The following MYO16 variants were observed in gnomAD, a reference collection of about 807,000 sequenced individuals.
The protein encoded by MYO16 is myosin XVI.
Under a neutral mutation model 205.3 loss-of-function variants are expected in MYO16, and 94 were observed. That is an observed-to-expected ratio of 0.46 (90% CI 0.39 to 0.54). The LOEUF (loss-of-function observed/expected upper bound fraction) is 0.54. Among genes scored for constraint, MYO16 ranks in the 20% least tolerant of loss-of-function variants. The pLI, the probability that MYO16 is intolerant of heterozygous loss-of-function variation, is 0.00. For synonymous variants in MYO16, 988 were observed against 954.0 expected (o/e 1.04, Z -0.66); for missense variants, 2,315 against 2,387.5 (o/e 0.97, Z 0.63).
rs112509613 is a variant in MYO16, at chr13:108,923,598, C to T, written c.1925+13448C>T. Reference sequence around the variant, plus strand: ...CTGGCCAGCGCCTCACTACCCACCTCGGTGTGGGGCCCTCGCCTTCCTGCT... The same window carrying T: ...CTGGCCAGCGCCTCACTACCCACCTTGGTGTGGGGCCCTCGCCTTCCTGCT... On this transcript the variant is annotated intron_variant, in intron 16 of 34. Transcript: ENST00000457511. Among the ~76,000 whole-genome samples the T allele has an allele frequency of 4.5e-3, 690 of 152,362 alleles. 5 individuals carry two copies. Among genetic ancestry groups the T allele is most frequent in the African/African-American group, 0.016 (654 of 41,598 alleles).
At chr13:108,821,433 A>G (rs1029183633) in intron 8 of MYO16, among the ~76,000 whole-genome samples, 8 of 152,218 alleles carry the variant, frequency 5.3e-5, no homozygotes, top group African/African-American at 1.9e-4. Context: ...CTTATAGTCT[A>G]GTAATCTTAA....
intron 22 of MYO16, among the ~76,000 whole-genome samples, chr13:109,011,476 G>T (rs374631659): frequency 2.1e-4 from 29 of 135,472 alleles, no homozygotes; most frequent in South Asian, 1.5e-3. Flanking sequence ...TTTTCTTTTT[G>T]CTTTTTTTTT....
chr13:108,800,219 C>A (rs566725350), intron 6 of MYO16, among the ~76,000 whole-genome samples: 2 of 152,146 alleles, frequency 1.3e-5, no homozygotes, highest in African/African-American at 2.4e-5. Context: ...CATCTCTTGC[C>A]GTTTACTTTG....
chr13:108,904,710 A>AG (rs1880877101), intron 15 of MYO16, among the ~76,000 whole-genome samples: 1 of 152,146 alleles, frequency 6.6e-6, no homozygotes. Flanking sequence ...AGAAAAAAAA[A>AG]GTTCCTGCCC....
At position 109,120,361 on chromosome 13, in the gene MYO16, G is replaced by T. The variant is rs200797623; in HGVS notation, c.3439-9G>T. The T allele has an allele frequency of 1.3e-6, 2 of 1,590,440 alleles. No homozygotes were observed. Among genetic ancestry groups the T allele is most frequent in the African/African-American group, 2.7e-5 (2 of 74,340 alleles). ...GCTGTTAAATGTTTCCCTGCTGTTT[G>T]CATTTTAGATGGGAGTCCGAAAAGT... On this transcript the variant is annotated splice_polypyrimidine_tract_variant and intron_variant, in intron 28 of 34. Transcript: ENST00000457511.
intron 4 of MYO16, among the ~76,000 whole-genome samples, chr13:108,754,226 T>A (rs1885346827): frequency 6.6e-6 from 1 of 151,878 alleles, no homozygotes; most frequent in African/African-American, 2.4e-5. Context: ...AGCTGTAGCA[T>A]GCAGGACAAG....
intron 4 of MYO16, among the ~76,000 whole-genome samples, chr13:108,732,977 TAGAG>T (rs568812955): frequency 8.5e-5 from 13 of 152,264 alleles, no homozygotes; most frequent in Admixed American, 2.0e-4. Flanking sequence ...TTTGCTGAGA[TAGAG>T]AAAGTTAGAA....
intron 9 of MYO16, among the ~76,000 whole-genome samples, chr13:108,842,361 T>C (rs9521069): frequency 0.24 from 36,044 of 152,006 alleles, 4,985 homozygotes; most frequent in East Asian, 0.66. Flanking sequence ...TGTGCAAATA[T>C]ATATGATAAG....
At chr13:108,917,824 G>A (rs552364401) in intron 16 of MYO16, among the ~76,000 whole-genome samples, 33 of 152,300 alleles carry the variant, frequency 2.2e-4, no homozygotes, top group African/African-American at 5.1e-4. Context: ...CATTGTTTTG[G>A]CTGCTGTGTT....
At chr13:108,798,070 A>ATGC (rs10688966) in intron 6 of MYO16, among the ~76,000 whole-genome samples, 61,575 of 151,780 alleles carry the variant, frequency 0.41, 12,647 homozygotes, top group Middle Eastern at 0.5. Context: ...AAAGGCTAGG[A>ATGC]TGCTGTCCCT....
intron 1 of MYO16, among the ~76,000 whole-genome samples, chr13:108,606,982 A>C (rs1302968809): frequency 6.6e-6 from 1 of 152,170 alleles, no homozygotes; most frequent in Non-Finnish European, 1.5e-5. Flanking sequence ...TTTAAAGTTT[A>C]ATGATTACCC....
In MYO16 at chr13:109,000,095, A is replaced by G. The variant is rs866390690; in HGVS notation, c.2442+7647A>G. ...AAAGCTTAGTAAGGAGAATTAATGC[A>G]TTTGAAACCATCTATCAGATTACTT... is the stretch of plus-strand genomic sequence containing the variant. On this transcript the variant is annotated intron_variant, in intron 21 of 34. Transcript: ENST00000457511. Among the ~76,000 whole-genome samples, 39 of 152,342 alleles carry G rather than the reference A, an allele frequency of 2.6e-4. No homozygotes were observed. In the Middle Eastern group the frequency reaches 0.014, roughly 53 times the overall value.
chr13:108,859,261 ACTG>A (rs75480398), intron 11 of MYO16, among the ~76,000 whole-genome samples: 13,890 of 152,188 alleles, frequency 0.091, 784 homozygotes, highest in Non-Finnish European at 0.12. Context: ...TGTTTTGTTC[ACTG>A]CTATGTATGA....
intron 4 of MYO16, among the ~76,000 whole-genome samples, chr13:108,746,041 A>T (rs1471574848): frequency 4.0e-5 from 6 of 151,444 alleles, no homozygotes; most frequent in African/African-American, 9.7e-5. Context: ...TACAAAAAAA[A>T]AATTAGCCAG....
chr13:108,953,768 T>C (rs1315318283), intron 16 of MYO16, among the ~76,000 whole-genome samples: 1 of 152,186 alleles, frequency 6.6e-6, no homozygotes, highest in Non-Finnish European at 1.5e-5. Flanking sequence ...TTTTAAGATA[T>C]AGTTTTGCTG....
At chr13:109,169,106 A>G (rs1038565277) in intron 33 of MYO16, among the ~76,000 whole-genome samples, 2 of 152,184 alleles carry the variant, frequency 1.3e-5, no homozygotes, top group Admixed American at 6.5e-5. Context: ...TCCCACTTAT[A>G]AGTGAGAACA....
At chr13:109,155,289 C>T (rs1011852788) in intron 32 of MYO16, among the ~76,000 whole-genome samples, 3 of 152,214 alleles carry the variant, frequency 2.0e-5, no homozygotes, top group Middle Eastern at 3.4e-3. Flanking sequence ...CATTCCTCCC[C>T]GCTTAACCTG....
intron 27 of MYO16, among the ~76,000 whole-genome samples, chr13:109,086,689 A>T (rs1422307680): frequency 6.6e-6 from 1 of 152,194 alleles, no homozygotes; most frequent in Non-Finnish European, 1.5e-5. Flanking sequence ...ATACAATATG[A>T]CAATTTGGTG....
chr13:108,666,057 T>C lies in MYO16; in HGVS notation c.200T>C (p.Leu67Pro). 6.2e-7 allele frequency: 1 copy of C among 1,614,146 alleles called. No individual in the cohort carries two copies. Among genetic ancestry groups the C allele is most frequent in the Non-Finnish European group, 8.5e-7 (1 of 1,180,002 alleles). The change falls in exon 2 of 35, where the codon CTG becomes CCG. Residue 67 changes from leucine (L) to proline (P), a missense_variant. Around this residue, in one of 3 missense-constraint regions of MYO16, gnomAD observed 1,213 missense variants for 1,274.4 expected, o/e 0.95. Coordinates refer to ENST00000457511, the MANE Select transcript of MYO16 (RefSeq NM_001198950.3). ...GCTTTTCAGAAGCAGGAAGGGTTCCTGAAAAGGCTGAAGCATGCGAAGAAT... is the reference window on the plus strand; with the variant it reads ...GCTTTTCAGAAGCAGGAAGGGTTCCCGAAAAGGCTGAAGCATGCGAAGAAT... Reference protein sequence around the residue: ...EKAFQKQEGFLKRLKHAKNPK... With the variant: ...EKAFQKQEGFPKRLKHAKNPK...
Sources: gnomAD v4.1 joint callset for allele counts (sites outside exome capture counted in the v4.1 genomes callset) on GRCh38, gnomAD v4.1.1 for gene constraint, gnomAD v4.1.1 regional missense constraint, MANE v1.5 for transcripts, NCBI Gene and HGNC (gene_info 2026-07-23, HGNC 2026-07-21) for gene names.